CS: variants seen among roughly 807,000 people sequenced by gnomAD.
CS encodes citrate synthase, mitochondrial.
In CS, 13 loss-of-function variants were observed where a neutral mutation model predicts 61.4. That is an observed-to-expected ratio of 0.21 (90% CI 0.14 to 0.34). The LOEUF (loss-of-function observed/expected upper bound fraction) is 0.34, where lower values mean the gene tolerates loss of function less well. Ranked by LOEUF, CS falls within the 10% of genes least tolerant of loss-of-function variation. The pLI is 1.00. For missense variants in CS, 278 were observed against 573.4 expected (o/e 0.48, Z 5.26); for synonymous variants, 159 against 215.2 (o/e 0.74, Z 2.29).
In CS at chr12:56,276,137, A is replaced by G. The variant is rs1264495789; in HGVS notation, c.647T>C (p.Ile216Thr). The change falls in exon 7 of 11, where the codon ATC (isoleucine) becomes ACC (threonine). Residue 216 changes from isoleucine to threonine, a missense_variant. Around this residue, in one of 2 missense-constraint regions of CS, gnomAD observed 223 missense variants for 503.5 expected, o/e 0.44. Transcript: ENST00000351328. ...IAKLPCVAAK[I>T]YRNLYREGSG... is the part of the protein sequence containing the mutation. The stretch of plus-strand genomic sequence containing the variant: ...GCCTTCTCTGTAGAGATTTCGGTAG[A>G]TCTTTGCTGCAACACAAGGTAGCTT... 6.2e-7 allele frequency: 1 copy of G among 1,614,184 alleles called. No individual in the cohort carries two copies. Among genetic ancestry groups the G allele is most frequent in the Non-Finnish European group, 8.5e-7 (1 of 1,180,042 alleles).
rs148996765 is a variant in CS at position 56,275,876 on chromosome 12, C to T, written c.788+120G>A. On this transcript the variant is annotated intron_variant, in intron 7 of 10. Coordinates refer to ENST00000351328, the MANE Select transcript of CS (RefSeq NM_004077.3). ...TTGCCTTGGATCATCCTTTATGCCACGTTTCTGTCTTCTTGCTGCCTATCA... is the reference window on the plus strand; with the variant it reads ...TTGCCTTGGATCATCCTTTATGCCATGTTTCTGTCTTCTTGCTGCCTATCA... The T allele has an allele frequency of 4.3e-4, 374 of 870,392 alleles. 1 individual carries two copies. The African/African-American group carries it at 4.6e-3, about 11-fold the overall frequency. The allele number at this position is 870,392 out of a possible 1,614,324, so 53.9% of individuals were successfully genotyped here.
At chr12:56,288,768 C>G (rs1257056838) in intron 1 of CS, among the ~76,000 whole-genome samples, 1 of 151,888 alleles carries the variant, frequency 6.6e-6, no homozygotes, top group Non-Finnish European at 1.5e-5. Flanking sequence ...TCCACCTCAG[C>G]CTCCTGAGTA....
chr12:56,295,760 C>T (rs1455801987), intron 1 of CS, among the ~76,000 whole-genome samples: 6 of 150,950 alleles, frequency 4.0e-5, no homozygotes, highest in Admixed American at 2.0e-4. Flanking sequence ...CGAGACCATC[C>T]TGGCTAACAC....
chr12:56,284,370 G>C (rs1268825892), intron 3 of CS, among the ~76,000 whole-genome samples: 1 of 148,862 alleles, frequency 6.7e-6, no homozygotes, highest in Non-Finnish European at 1.5e-5. Flanking sequence ...GGCCAGGTAC[G>C]GTGGGGCTCA....
chr12:56,300,115 T>A lies in CS; in HGVS notation c.42+45A>T, dbSNP rs530906330. ...CGGCGCCGGAGGGCCTGCGGTCGCC[T>A]CAGCCCCACCCTGGGACGGCGTGCT... On this transcript the variant is annotated intron_variant, in intron 1 of 10. Transcript: ENST00000351328. 4 of 1,543,300 alleles carry A rather than the reference T, an allele frequency of 2.6e-6. No individual in the cohort carries two copies. The East Asian group carries it at 9.9e-5, about 38-fold the overall frequency.
intron 1 of CS, among the ~76,000 whole-genome samples, chr12:56,287,534 C>T (rs937813339): frequency 7.3e-6 from 1 of 137,006 alleles, no homozygotes; most frequent in Non-Finnish European, 1.6e-5. Context: ...AATAGTTTAG[C>T]TAGTTTATGC....
Position 56,271,979 on chromosome 12 carries a change from A to G in CS, c.*1105T>C. 2.3e-6 allele frequency: 1 copy of G among 437,460 alleles called. No homozygotes were observed. 27.1% of individuals were successfully genotyped at this position (437,460 alleles called of 1,614,324 possible). ...AACATTGTACTGTGAGCTCTCAGGG[A>G]AAGGGAGGAAAAAGATGTTGATAAA... On this transcript the variant is annotated 3_prime_UTR_variant, in exon 11 of 11. Transcript: ENST00000351328.
intron 1 of CS, among the ~76,000 whole-genome samples, chr12:56,293,418 T>A (rs917561672): frequency 3.3e-5 from 5 of 152,014 alleles, no homozygotes; most frequent in African/African-American, 4.8e-5. Flanking sequence ...AAAAATAATT[T>A]AAAAAATTAG....
At chr12:56,274,942 C>T in intron 8 of CS, 60 bp downstream of exon 8, 2 of 1,609,170 alleles carry the variant, frequency 1.2e-6, no homozygotes, top group Non-Finnish European at 1.7e-6. Flanking sequence ...ATGCCAAGAT[C>T]AGAAACAAAG....
chr12:56,277,393 G>A (rs2135911387), intron 6 of CS, among the ~76,000 whole-genome samples: 1 of 151,550 alleles, frequency 6.6e-6, no homozygotes, highest in Non-Finnish European at 1.5e-5. Flanking sequence ...CAGCTACTCG[G>A]GAGGCTGAGG....
intron 1 of CS, among the ~76,000 whole-genome samples, chr12:56,298,437 G>C (rs1465328802): frequency 1.3e-5 from 2 of 152,112 alleles, no homozygotes; most frequent in Non-Finnish European, 2.9e-5. Flanking sequence ...TTCCCTATGG[G>C]CTTAAGGAGG....
Position 56,271,987 on chromosome 12 carries a change from G to A in CS, c.*1097C>T. On this transcript the variant is annotated 3_prime_UTR_variant, in exon 11 of 11. Transcript: ENST00000351328. Reference sequence around the variant, plus strand: ...ACTGTGAGCTCTCAGGGAAAGGGAGGAAAAAGATGTTGATAAATAAGGAGG... The same window carrying A: ...ACTGTGAGCTCTCAGGGAAAGGGAGAAAAAAGATGTTGATAAATAAGGAGG... The A allele has an allele frequency of 2.3e-6, 1 of 431,336 alleles. No individual in the cohort carries two copies. The highest frequency in any genetic ancestry group is 4.6e-6 in the Non-Finnish European group (1 of 215,816). 26.7% of individuals were successfully genotyped at this position (431,336 alleles called of 1,614,324 possible). A position where few individuals can be genotyped will look rare whatever the true frequency, so the allele number is the denominator to read the frequency against.
intron 3 of CS, among the ~76,000 whole-genome samples, chr12:56,284,856 G>A (rs1281518359): frequency 7.0e-6 from 1 of 142,004 alleles, no homozygotes; most frequent in Non-Finnish European, 1.5e-5. Flanking sequence ...CCGAGATCAC[G>A]TCACTGTACT....
intron 1 of CS, among the ~76,000 whole-genome samples, chr12:56,298,321 CTAATGG>C (rs1873372386): frequency 6.6e-6 from 1 of 152,114 alleles, no homozygotes; most frequent in Non-Finnish European, 1.5e-5. Flanking sequence ...CAAAAGCCTT[CTAATGG>C]CTTTCAACTG....
intron 1 of CS, among the ~76,000 whole-genome samples, chr12:56,293,021 C>T (rs769786122): frequency 1.1e-4 from 16 of 152,000 alleles, no homozygotes; most frequent in South Asian, 2.1e-4. Flanking sequence ...GCAGAAGAAT[C>T]GCTTGAACCC....
intron 10 of CS, 67 bp downstream of exon 10, chr12:56,273,520 T>C (rs1282547148): frequency 6.7e-7 from 1 of 1,485,862 alleles, no homozygotes; most frequent in African/African-American, 1.4e-5. Context: ...TTAATTGACT[T>C]TGTGCATGGC....
chr12:56,274,648 C>A (rs1485579248), intron 9 of CS, 129 bp downstream of exon 9: 4 of 727,956 alleles, frequency 5.5e-6, no homozygotes, highest in Non-Finnish European at 6.6e-6. Flanking sequence ...TTTCTAAATT[C>A]TTCAAGGTAG....
intron 6 of CS, among the ~76,000 whole-genome samples, chr12:56,277,028 G>A (rs1043821106): frequency 6.6e-6 from 1 of 151,644 alleles, no homozygotes; most frequent in Non-Finnish European, 1.5e-5. Context: ...GGTGAAACCT[G>A]GTCTCTTCTA....
intron 1 of CS, among the ~76,000 whole-genome samples, chr12:56,296,357 G>A (rs1352920851): frequency 1.3e-5 from 2 of 152,032 alleles, no homozygotes; most frequent in African/African-American, 4.8e-5. Flanking sequence ...CAGCTACTCG[G>A]GGGGATTGCT....
Sources: allele counts gnomAD v4.1 joint callset (sites outside exome capture counted in the v4.1 genomes callset), GRCh38; gene constraint gnomAD v4.1.1; regional missense constraint gnomAD v4.1.1; transcripts MANE v1.5; gene names NCBI Gene and HGNC (gene_info 2026-07-23, HGNC 2026-07-21).